DPH6: variants seen among roughly 807,000 people sequenced by gnomAD.
The protein encoded by DPH6 is diphthamine biosynthesis 6.
In DPH6, 33 loss-of-function variants were observed where a neutral mutation model predicts 38.2. The observed-to-expected ratio is 0.86, with a 90% CI of 0.65 to 1.15. The LOEUF (loss-of-function observed/expected upper bound fraction) is 1.15. Among genes scored for constraint, DPH6 ranks in the 50% most tolerant of loss-of-function variants. The pLI is 0.00. For synonymous variants in DPH6, 108 were observed against 103.0 expected (o/e 1.05, Z -0.30); for missense variants, 325 against 320.0 (o/e 1.02, Z -0.12).
chr15:35,192,372 A>G, the DPH6 span, among the ~76,000 whole-genome samples: 1 of 152,168 alleles, frequency 6.6e-6, no homozygotes, highest in African/African-American at 2.4e-5. Context: ...GAGAGCACAA[A>G]TATTAGTTCT....
chr15:35,237,951 G>T, intron 3 of DPH6: 1 of 1,419,478 alleles, frequency 7.0e-7, no homozygotes, highest in Non-Finnish European at 1.0e-6. Flanking sequence ...GATGAAAAAG[G>T]TTATAACGAT....
chr15:35,337,162 G>A (rs903193610), intron 3 of DPH6, among the ~76,000 whole-genome samples: 3 of 152,012 alleles, frequency 2.0e-5, no homozygotes, highest in Admixed American at 6.6e-5. Flanking sequence ...ACTTCTTCCT[G>A]GTTTAGTCTT....
At chr15:35,446,059 A>G (rs1398912338) in intron 5 of DPH6, among the ~76,000 whole-genome samples, 3 of 152,136 alleles carry the variant, frequency 2.0e-5, no homozygotes, top group Admixed American at 2.0e-4. Flanking sequence ...AGACGCAGAG[A>G]AAAGTCATGA....
the DPH6 span, among the ~76,000 whole-genome samples, chr15:35,180,641 C>T: frequency 7.9e-5 from 12 of 151,884 alleles, no homozygotes; most frequent in African/African-American, 2.7e-4. Flanking sequence ...TTTTAACTTT[C>T]TTTTTTCTTT....
At chr15:35,306,013 C>T (rs966829739) in intron 3 of DPH6, among the ~76,000 whole-genome samples, 9 of 152,240 alleles carry the variant, frequency 5.9e-5, no homozygotes, top group African/African-American at 1.9e-4. Flanking sequence ...TGACCTGGGC[C>T]CCTAGCCTTA....
At chr15:35,435,197 A>G (rs1057053169) in intron 5 of DPH6, among the ~76,000 whole-genome samples, 1 of 152,230 alleles carries the variant, frequency 6.6e-6, no homozygotes, top group Non-Finnish European at 1.5e-5. Flanking sequence ...TGGGTGCTGC[A>G]TAACATTAAA....
rs1416352093 is a variant in DPH6 at position 35,468,815 on chromosome 15, CCCAGCA to C, written c.313-14001_313-13996del. Among the ~76,000 whole-genome samples, 3 of 152,206 alleles carry C rather than the reference CCCAGCA, an allele frequency of 2.0e-5. No individual in the cohort carries two copies. The East Asian group carries it at 5.8e-4, about 29-fold the overall frequency. The stretch of plus-strand genomic sequence containing the variant: ...GGGCGCGGTGGCTCATGCCAGTAAT[CCCAGCA>C]CTTTGGGAGGCTGAGGCAGGTGGAT... On this transcript the variant is annotated intron_variant, in intron 3 of 8. Coordinates refer to ENST00000256538, the MANE Select transcript of DPH6 (RefSeq NM_080650.4).
chr15:35,402,643 C>A (rs1485821881), intron 6 of DPH6, among the ~76,000 whole-genome samples: 1 of 151,970 alleles, frequency 6.6e-6, no homozygotes, highest in Non-Finnish European at 1.5e-5. Context: ...ATTATATAAT[C>A]CATTATTTGC....
At chr15:35,465,027 G>A (rs562246576) in intron 3 of DPH6, among the ~76,000 whole-genome samples, 1 of 152,306 alleles carries the variant, frequency 6.6e-6, no homozygotes, top group East Asian at 1.9e-4. Flanking sequence ...ACACAAATTA[G>A]ACTGTTGACT....
intron 5 of DPH6, among the ~76,000 whole-genome samples, chr15:35,431,105 G>A (rs2141032407): frequency 6.6e-6 from 1 of 152,194 alleles, no homozygotes; most frequent in Non-Finnish European, 1.5e-5. Flanking sequence ...CTGAATTTAT[G>A]TTGCAGCACA....
chr15:35,270,444 T>C (rs1041461855), intron 3 of DPH6, among the ~76,000 whole-genome samples: 5 of 152,226 alleles, frequency 3.3e-5, no homozygotes, highest in Non-Finnish European at 7.3e-5. Flanking sequence ...TTCTCAAATT[T>C]TGAATAGAAG....
intron 3 of DPH6, among the ~76,000 whole-genome samples, chr15:35,259,358 T>C (rs1393808241): frequency 6.6e-6 from 1 of 152,180 alleles, no homozygotes; most frequent in Non-Finnish European, 1.5e-5. Context: ...TTGCTACAAG[T>C]ATGACTATGC....
rs958917780 is a variant in DPH6 at position 35,218,934 on chromosome 15, A to C, written n.1849T>G. 5 of 152,200 alleles carry C rather than the reference A, an allele frequency of 3.3e-5. No homozygotes were observed. In the East Asian group the frequency reaches 5.8e-4, roughly 18 times the overall value. The allele number at this position is 152,200 out of a possible 1,614,324, so 9.4% of individuals were successfully genotyped here. A position where few individuals can be genotyped will look rare whatever the true frequency, so the allele number is the denominator to read the frequency against. ...TGAAAGTCACTAGAATTGTTTTTAA[A>C]TCAGGGTCCTTTTCTGGCAACTACT... On this transcript the variant is annotated non_coding_transcript_exon_variant, in exon 4 of 4. Transcript: ENST00000560386.
rs2054433807 is a variant in DPH6, at chr15:35,488,479, T to A, written c.313-33659A>T. 2.0e-5 allele frequency among the ~76,000 whole-genome samples: 3 copies of A among 152,126 alleles called. No homozygotes were observed. The South Asian group carries it at 6.2e-4, about 32-fold the overall frequency. On this transcript the variant is annotated intron_variant, in intron 3 of 8. Coordinates refer to ENST00000256538, the MANE Select transcript of DPH6 (RefSeq NM_080650.4). ...GAAGGCAAAGGAGAAGCAAGACATG[T>A]CTTACATGGCAGCAGGAGAGCGAGT... is the stretch of plus-strand genomic sequence containing the variant.
chr15:35,215,529 G>A (rs866735733), downstream of DPH6, among the ~76,000 whole-genome samples: 2 of 151,990 alleles, frequency 1.3e-5, no homozygotes, highest in Non-Finnish European at 2.9e-5. Flanking sequence ...GAACACAGGC[G>A]TGCACAACCA....
At position 35,373,505 on chromosome 15, in the gene DPH6, T is replaced by G. The variant is rs2052739515; in HGVS notation, c.750+16A>C. Reference sequence around the variant, plus strand: ...AAATTTCTATTGAAATCACTGTGAATCTTAGATTTACTTGCCTTGTCCTCC... The same window carrying G: ...AAATTTCTATTGAAATCACTGTGAAGCTTAGATTTACTTGCCTTGTCCTCC... On this transcript the variant is annotated intron_variant, in intron 8 of 8. Coordinates refer to ENST00000256538, the MANE Select transcript of DPH6 (RefSeq NM_080650.4). The G allele has an allele frequency of 6.9e-6, 11 of 1,595,248 alleles. No individual in the cohort carries two copies. The highest frequency in any genetic ancestry group is 9.4e-6 in the Non-Finnish European group (11 of 1,171,314).
chr15:35,256,267 A>G (rs2622756), intron 3 of DPH6, among the ~76,000 whole-genome samples: 86,844 of 151,990 alleles, frequency 0.57, 27,578 homozygotes, highest in Non-Finnish European at 0.73. Flanking sequence ...GCCAGTTACC[A>G]TATTATTTAT....
chr15:35,374,587 C>G (rs184578599), intron 7 of DPH6, among the ~76,000 whole-genome samples: 18 of 151,990 alleles, frequency 1.2e-4, no homozygotes, highest in African/African-American at 4.1e-4. Context: ...GAAAAAAGTA[C>G]GTTTGATGAT....
chr15:35,430,519 C>T (rs1310346451), intron 5 of DPH6, among the ~76,000 whole-genome samples: 1 of 147,956 alleles, frequency 6.8e-6, no homozygotes, highest in African/African-American at 2.6e-5. Flanking sequence ...CTGATAAGAT[C>T]TTTTCTTTAT....
Sources: gnomAD v4.1 joint callset for allele counts (sites outside exome capture counted in the v4.1 genomes callset) on GRCh38, gnomAD v4.1.1 for gene constraint, MANE v1.5 for transcripts, NCBI Gene and HGNC (gene_info 2026-07-23, HGNC 2026-07-21) for gene names.